PDE4D: variants seen among roughly 807,000 people sequenced by gnomAD.
PDE4D encodes the protein 3',5'-cyclic-AMP phosphodiesterase 4D.
A neutral mutation model predicts 87.4 loss-of-function variants in PDE4D; 24 were observed. The observed-to-expected ratio is 0.27, with a 90% CI of 0.20 to 0.39. The LOEUF (loss-of-function observed/expected upper bound fraction) is 0.39, where lower values mean the gene tolerates loss of function less well. PDE4D is among the 10% of genes least tolerant of loss of function. The pLI is 1.00. For missense variants in PDE4D, 714 were observed against 1,041.0 expected, an observed-to-expected ratio of 0.69 and a Z score of 4.32; for synonymous variants, 384 against 383.2, an observed-to-expected ratio of 1.00 and a Z score of -0.02.
intron 1 of PDE4D, among the ~76,000 whole-genome samples, chr5:59,692,518 A>G (rs1164338244): frequency 3.3e-5 from 5 of 152,134 alleles, no homozygotes; most frequent in African/African-American, 1.2e-4. Context: ...ACTCTCACGT[A>G]CTGAGCTTTT....
chr5:59,931,567 C>G (rs1367909569), intron 3 of PDE4D, among the ~76,000 whole-genome samples: 2 of 152,094 alleles, frequency 1.3e-5, no homozygotes, highest in Non-Finnish European at 2.9e-5. Context: ...TCCTCTCCTT[C>G]CAGTCCCAAT....
At chr5:60,189,684 TCTC>T (rs1482128180) in intron 1 of PDE4D, among the ~76,000 whole-genome samples, 4 of 152,212 alleles carry the variant, frequency 2.6e-5, no homozygotes, top group Non-Finnish European at 2.9e-5. Context: ...AATTCTTTAA[TCTC>T]CTCTTTTTGA....
chr5:59,455,002 C>T (rs977854627), intron 1 of PDE4D, among the ~76,000 whole-genome samples: 7 of 152,156 alleles, frequency 4.6e-5, no homozygotes, highest in South Asian at 2.1e-4. Context: ...ACTTGGGTGC[C>T]GTTAAAGGCA....
chr5:59,913,346 G>A (rs1214866236), intron 3 of PDE4D, among the ~76,000 whole-genome samples: 1 of 152,148 alleles, frequency 6.6e-6, no homozygotes, highest in East Asian at 1.9e-4. Context: ...CTGGCTGAAT[G>A]GGGTTGTAGG....
At chr5:59,719,965 T>C (rs1755592499) in intron 1 of PDE4D, among the ~76,000 whole-genome samples, 1 of 152,166 alleles carries the variant, frequency 6.6e-6, no homozygotes, top group Non-Finnish European at 1.5e-5. Context: ...ACTGGTATTT[T>C]TCCCATAAAA....
At chr5:60,328,006 A>G (rs1261218905) in intron 1 of PDE4D, among the ~76,000 whole-genome samples, 2 of 152,218 alleles carry the variant, frequency 1.3e-5, no homozygotes, top group South Asian at 4.1e-4. Flanking sequence ...TATGATCATG[A>G]CAATGATGAT....
At chr5:60,416,653 A>G (rs1742604570) in intron 1 of PDE4D, among the ~76,000 whole-genome samples, 1 of 152,202 alleles carries the variant, frequency 6.6e-6, no homozygotes, top group Admixed American at 6.5e-5. Flanking sequence ...GCCTTTAAGA[A>G]CTGTAACACT....
At chr5:60,416,827 C>G (rs1214561177) in intron 1 of PDE4D, among the ~76,000 whole-genome samples, 2 of 152,198 alleles carry the variant, frequency 1.3e-5, no homozygotes, top group African/African-American at 4.8e-5. Context: ...ATCTGAATAA[C>G]TTTGTGGAAC....
At chr5:59,814,967 T>G (rs1190142221) in intron 1 of PDE4D, among the ~76,000 whole-genome samples, 1 of 152,158 alleles carries the variant, frequency 6.6e-6, no homozygotes, top group Admixed American at 6.5e-5. Flanking sequence ...GCACAGAGTC[T>G]CAGATATACA....
At chr5:59,422,435 T>C (rs1794621932) in intron 1 of PDE4D, among the ~76,000 whole-genome samples, 1 of 152,136 alleles carries the variant, frequency 6.6e-6, no homozygotes, top group South Asian at 2.1e-4. Context: ...TTCACCTTCT[T>C]TTGCCTTTGA....
intron 1 of PDE4D, among the ~76,000 whole-genome samples, chr5:59,761,974 C>T (rs75358556): frequency 6.6e-6 from 1 of 152,054 alleles, no homozygotes; most frequent in Non-Finnish European, 1.5e-5. Context: ...GCTATGACTT[C>T]ACTAGGTGAT....
At chr5:59,083,023 C>T (rs761390762) in intron 5 of PDE4D, among the ~76,000 whole-genome samples, 3 of 152,032 alleles carry the variant, frequency 2.0e-5, no homozygotes, top group Non-Finnish European at 1.5e-5. Context: ...AATATATCTT[C>T]GAGTAATACT....
chr5:60,367,266 T>A (rs1436254786), intron 1 of PDE4D, among the ~76,000 whole-genome samples: 1 of 151,846 alleles, frequency 6.6e-6, no homozygotes, highest in East Asian at 1.9e-4. Context: ...CTGACCAACA[T>A]GTAGAAACCC....
intron 1 of PDE4D, among the ~76,000 whole-genome samples, chr5:59,840,336 CTGTG>C (rs59482787): frequency 2.0e-5 from 3 of 149,220 alleles, no homozygotes; most frequent in Non-Finnish European, 3.0e-5. Flanking sequence ...AAATGATCCT[CTGTG>C]TGTGTGTGTG....
chr5:59,548,426 A>C (rs1378604770), intron 1 of PDE4D, among the ~76,000 whole-genome samples: 1 of 152,146 alleles, frequency 6.6e-6, no homozygotes, highest in Non-Finnish European at 1.5e-5. Context: ...CATTCAACAA[A>C]TGCTTATTTC....
chr5:59,878,901 T>G (rs1749003898), intron 1 of PDE4D, among the ~76,000 whole-genome samples: 1 of 129,166 alleles, frequency 7.7e-6, no homozygotes, highest in South Asian at 2.6e-4. Context: ...TTTTTTTTTT[T>G]TTTTTTTTTT....
At chr5:59,567,080 G>A (rs1821063856) in intron 1 of PDE4D, among the ~76,000 whole-genome samples, 2 of 152,188 alleles carry the variant, frequency 1.3e-5, no homozygotes, top group South Asian at 4.1e-4. Context: ...TGAGGCATAT[G>A]AACTATTTTA....
At chr5:59,079,316 T>C (rs1766256881) in intron 5 of PDE4D, among the ~76,000 whole-genome samples, 1 of 152,178 alleles carries the variant, frequency 6.6e-6, no homozygotes, top group Admixed American at 6.5e-5. Flanking sequence ...GTAGAAATCT[T>C]AGGAAATAGA....
At chr5:59,029,989 GA>G (rs1374965698) in intron 6 of PDE4D, among the ~76,000 whole-genome samples, 5 of 152,146 alleles carry the variant, frequency 3.3e-5, no homozygotes, top group Admixed American at 2.0e-4. Context: ...ACCTGCAGAA[GA>G]AAGAAACTGT....
Sources: allele counts gnomAD v4.1 joint callset (sites outside exome capture counted in the v4.1 genomes callset), GRCh38; gene constraint gnomAD v4.1.1; transcripts MANE v1.5; gene names NCBI Gene and HGNC (gene_info 2026-07-23, HGNC 2026-07-21).